Variants in ANKRD30A observed in about 807,000 individuals in gnomAD.
The protein encoded by ANKRD30A is ankyrin repeat domain 30A, also known as ankyrin repeat domain-containing protein 30A.
In ANKRD30A, 170 loss-of-function variants were observed where a neutral mutation model predicts 166.3. That is an observed-to-expected ratio of 1.02 (90% confidence interval 0.90 to 1.16). The LOEUF is 1.16. ANKRD30A is among the 50% of genes most tolerant of loss of function. The probability of loss-of-function intolerance (pLI) is 0.00; values close to 1 mark genes in which losing one functional copy is unlikely to be tolerated. For missense variants in ANKRD30A, 1,630 were observed against 1,518.0 expected, an observed-to-expected ratio of 1.07 and a Z score of -1.23; for synonymous variants, 564 against 508.9, an observed-to-expected ratio of 1.11 and a Z score of -1.46.
intron 9 of ANKRD30A, among the ~76,000 whole-genome samples, chr10:37,149,247 CT>C (rs1419784101): frequency 6.6e-6 from 1 of 152,014 alleles, no homozygotes; most frequent in African/African-American, 2.4e-5. Flanking sequence ...CTACATTCAG[CT>C]GAACTCTCAT....
chr10:37,171,426 A>C (rs1478797403), intron 21 of ANKRD30A, among the ~76,000 whole-genome samples: 1 of 149,820 alleles, frequency 6.7e-6, no homozygotes, highest in Non-Finnish European at 1.5e-5. Context: ...TACGCATTAC[A>C]ACTGTTACTC....
intron 9 of ANKRD30A, 72 bp downstream of exon 9, chr10:37,147,529 C>T (rs1837595873): frequency 1.0e-6 from 1 of 957,826 alleles, no homozygotes; most frequent in Non-Finnish European, 1.5e-6. Flanking sequence ...CTGATATACT[C>T]TAATAGCCAA....
chr10:37,136,804 GGTGTGTGTATGTGTGTGTGTGT>G (rs1311916236), intron 6 of ANKRD30A, 133 bp downstream of exon 6: 1 of 361,030 alleles, frequency 2.8e-6, no homozygotes, highest in African/African-American at 2.6e-5. Context: ...TGTGGGTGTG[GGTGTGTGTATGTGTGTGTGTGT>G]GTGTGTATAT....
chr10:37,235,961 G>A (rs1843656881), downstream of ANKRD30A, among the ~76,000 whole-genome samples: 1 of 151,744 alleles, frequency 6.6e-6, no homozygotes, highest in Non-Finnish European at 1.5e-5. Flanking sequence ...GTAGAGACGG[G>A]GTTTCACTGT....
Position 37,152,075 on chromosome 10 carries a change from C to A in ANKRD30A, c.1661C>A (p.Pro554Gln). The A allele has an allele frequency of 6.2e-7, 1 of 1,609,366 alleles. No homozygotes were observed. The highest frequency in any genetic ancestry group is 8.5e-7 in the Non-Finnish European group (1 of 1,177,136). Reference sequence around the variant, plus strand: ...CCTTTTATAGATCCGATGTTCCCACCAGAATCCAAACAAAAGGACTATGAA... The same window carrying A: ...CCTTTTATAGATCCGATGTTCCCACAAGAATCCAAACAAAAGGACTATGAA... ...QTLRADPMFP[P>Q]ESKQKDYEEN... Residue 554 changes from proline (P) to glutamine (Q), a missense_variant, in exon 12 of 36, where the codon CCA becomes CAA. By Grantham distance (76) the Pro-to-Gln change is moderately conservative. Transcript: ENST00000361713.
At chr10:37,250,382 G>A in the ANKRD30A span, among the ~76,000 whole-genome samples, 1 of 152,008 alleles carries the variant, frequency 6.6e-6, no homozygotes, top group Non-Finnish European at 1.5e-5. Flanking sequence ...AGAGGCATAG[G>A]ACCTGAGTTG....
At chr10:37,172,004 C>G (rs118067039) in intron 21 of ANKRD30A, among the ~76,000 whole-genome samples, 6,612 of 144,310 alleles carry the variant, frequency 0.046, 170 homozygotes, top group East Asian at 0.28. Flanking sequence ...TAGTTGTCAA[C>G]CACATTACTT....
chr10:37,219,775 C>T lies in ANKRD30A; in HGVS notation c.4063C>T (p.His1355Tyr). ...CAAAAGCAAGATAACAATTGATATTCATTTTCTTGAGAGGAAAATGCAACA... is the reference window on the plus strand; with the variant it reads ...CAAAAGCAAGATAACAATTGATATTTATTTTCTTGAGAGGAAAATGCAACA... ...DNKSKITIDI[H>Y]FLERKMQHHL... The change falls in exon 34 of 36, where the codon CAT (histidine) becomes TAT (tyrosine). Residue 1355 changes from histidine to tyrosine, a missense_variant. By Grantham distance (83) the His-to-Tyr change is moderately conservative. Coordinates refer to ENST00000361713, the MANE Select transcript of ANKRD30A (RefSeq NM_052997.3). The T allele has an allele frequency of 1.9e-6, 3 of 1,607,692 alleles. No individual in the cohort carries two copies. Among genetic ancestry groups the T allele is most frequent in the African/African-American group, 1.3e-5 (1 of 74,508 alleles).
chr10:37,136,066 A>G (rs1041797731), intron 5 of ANKRD30A, among the ~76,000 whole-genome samples: 1 of 152,136 alleles, frequency 6.6e-6, no homozygotes, highest in Non-Finnish European at 1.5e-5. Context: ...TGCTTGCATC[A>G]CAGGCGTCAG....
In ANKRD30A at chr10:37,125,782, G is replaced by A. The variant is rs1446934033; in HGVS notation, c.-6G>A. 1.1e-5 allele frequency: 7 copies of A among 642,958 alleles called. No individual in the cohort carries two copies. Among genetic ancestry groups the A allele is most frequent in the African/African-American group, 5.5e-5 (3 of 54,386 alleles). The allele number at this position is 642,958 out of a possible 1,614,324, so 39.8% of individuals were successfully genotyped here. A position where few individuals can be genotyped will look rare whatever the true frequency, so the allele number is the denominator to read the frequency against. ...CGCGGGCACTCTCTAGCAGGTGGCCGCAGCCATGGAGGAGATCTCTGCCGC... is the reference window on the plus strand; with the variant it reads ...CGCGGGCACTCTCTAGCAGGTGGCCACAGCCATGGAGGAGATCTCTGCCGC... On this transcript the variant is annotated 5_prime_UTR_variant, in exon 1 of 36. Coordinates refer to ENST00000361713, the MANE Select transcript of ANKRD30A (RefSeq NM_052997.3).
At chr10:37,197,964 G>A (rs1440625292) in intron 29 of ANKRD30A, among the ~76,000 whole-genome samples, 1 of 152,014 alleles carries the variant, frequency 6.6e-6, no homozygotes, top group Admixed American at 6.6e-5. Flanking sequence ...TTATGTGTGT[G>A]TGTCTGCGTG....
chr10:37,208,079 T>A (rs961543440), intron 31 of ANKRD30A, among the ~76,000 whole-genome samples: 3 of 152,022 alleles, frequency 2.0e-5, no homozygotes, highest in African/African-American at 7.2e-5. Context: ...GAAAAAAAAA[T>A]TCATACGAGC....
chr10:37,191,132 A>G (rs1484046607), intron 25 of ANKRD30A, among the ~76,000 whole-genome samples: 1 of 151,852 alleles, frequency 6.6e-6, no homozygotes, highest in East Asian at 1.9e-4. Context: ...AATGAAATAC[A>G]TCAATATTGA....
chr10:37,225,491 T>C (rs1351361255), intron 34 of ANKRD30A, among the ~76,000 whole-genome samples: 1 of 151,194 alleles, frequency 6.6e-6, no homozygotes, highest in African/African-American at 2.5e-5. Flanking sequence ...CCAGTCTACT[T>C]GAAATGGATA....
intron 24 of ANKRD30A, chr10:37,178,598 A>T (rs1336196059): frequency 2.4e-5 from 23 of 976,252 alleles, no homozygotes; most frequent in Non-Finnish European, 2.7e-5. Context: ...AGAAAACATC[A>T]TGGTCCTCTT....
chr10:37,140,106 G>A (rs1231227943), intron 6 of ANKRD30A, among the ~76,000 whole-genome samples: 1 of 152,240 alleles, frequency 6.6e-6, no homozygotes, highest in South Asian at 2.1e-4. Flanking sequence ...ATTCACTTTT[G>A]AGTGGAAGTG....
chr10:37,149,813 G>A lies in ANKRD30A; in HGVS notation c.1609G>A (p.Ala537Thr), dbSNP rs758011391. The A allele has an allele frequency of 4.3e-6, 7 of 1,612,628 alleles. No homozygotes were observed. The African/African-American group carries it at 9.4e-5, about 22-fold the overall frequency. The stretch of plus-strand genomic sequence containing the variant: ...AATGCAAAACTCTGTTCCAAATAAA[G>A]CCTTTGAATTGAAGAATGAACAAAC... Reference protein sequence around the residue: ...IEMQNSVPNKAFELKNEQTLR... With the variant: ...IEMQNSVPNKTFELKNEQTLR... Residue 537 changes from alanine (A) to threonine (T), a missense_variant, in exon 11 of 36, where the codon GCC becomes ACC. Physicochemically the swap from Ala to Thr is moderately conservative, Grantham distance 58. Around this residue, in one of 4 missense-constraint regions of ANKRD30A, gnomAD observed 904 missense variants for 818.5 expected, o/e 1.10. Transcript: ENST00000361713.
intron 31 of ANKRD30A, among the ~76,000 whole-genome samples, chr10:37,211,586 A>G (rs536113693): frequency 1.1e-4 from 17 of 152,276 alleles, no homozygotes; most frequent in African/African-American, 3.6e-4. Flanking sequence ...TAGTGCTGCA[A>G]TAAACATATG....
chr10:37,197,811 A>G lies in ANKRD30A; in HGVS notation c.2716+331A>G, dbSNP rs558174977. 2.6e-5 allele frequency among the ~76,000 whole-genome samples: 4 copies of G among 152,248 alleles called. No individual in the cohort carries two copies. The South Asian group carries it at 8.3e-4, about 32-fold the overall frequency. On this transcript the variant is annotated intron_variant, in intron 29 of 35. Coordinates refer to ENST00000361713, the MANE Select transcript of ANKRD30A (RefSeq NM_052997.3). ...TCTTTTTTTAGTTCTTCGAAGCTTG[A>G]TTCAAATTCCACGGTTTATTTCGGG...
Sources: allele counts gnomAD v4.1 joint callset (sites outside exome capture counted in the v4.1 genomes callset), GRCh38; gene constraint gnomAD v4.1.1; regional missense constraint gnomAD v4.1.1; transcripts MANE v1.5; gene names NCBI Gene and HGNC (gene_info 2026-07-23, HGNC 2026-07-21).